HECA: variants seen among roughly 807,000 people sequenced by gnomAD.
HECA encodes headcase protein homolog.
In HECA, 13 loss-of-function variants were observed where a neutral mutation model predicts 37.6. The ratio of observed to expected loss-of-function variants is 0.35; its 90% CI spans 0.23 to 0.55. HECA has a LOEUF of 0.55. Ranked by LOEUF, HECA falls within the 20% of genes least tolerant of loss-of-function variation. The pLI is 0.90. For synonymous variants in HECA, 307 were observed against 291.5 expected (o/e 1.05, Z -0.54); for missense variants, 527 against 701.9 (o/e 0.75, Z 2.82).
intron 1 of HECA, 36 bp downstream of exon 1, chr6:139,135,703 T>G (rs1774425546): frequency 1.0e-6 from 1 of 955,114 alleles, no homozygotes; most frequent in African/African-American, 1.8e-5. Context: ...GCCAACTTCC[T>G]CCCCGACGGG....
At chr6:139,164,621 G>T (rs1774855981) in intron 1 of HECA, among the ~76,000 whole-genome samples, 2 of 152,190 alleles carry the variant, frequency 1.3e-5, no homozygotes, top group South Asian at 4.1e-4. Flanking sequence ...GGAGGCAAAA[G>T]AACTGCATGG....
In HECA at chr6:139,180,491, T is replaced by C. The variant is rs1421635119; in HGVS notation, c.*3386T>C. On this transcript the variant is annotated 3_prime_UTR_variant, in exon 4 of 4. Coordinates refer to ENST00000367658, the MANE Select transcript of HECA (RefSeq NM_016217.3). ...GAAGTGAGGAGAAAGTGTTCTTGTT[T>C]AGTGTTTTATTTCCTATAATAGGAT... is the stretch of plus-strand genomic sequence containing the variant. The C allele has an allele frequency of 6.5e-6, 1 of 152,680 alleles. No homozygotes were observed. Among genetic ancestry groups the C allele is most frequent in the Non-Finnish European group, 1.5e-5 (1 of 68,058 alleles). 9.5% of individuals were successfully genotyped at this position (152,680 alleles called of 1,614,324 possible). A position where few individuals can be genotyped will look rare whatever the true frequency, so the allele number is the denominator to read the frequency against.
At chr6:139,143,297 T>A (rs1774537961) in intron 1 of HECA, among the ~76,000 whole-genome samples, 1 of 152,152 alleles carries the variant, frequency 6.6e-6, no homozygotes, top group South Asian at 2.1e-4. Context: ...AACAACAGCT[T>A]TGTAAATTTT....
At chr6:139,164,407 A>G (rs1417125361) in intron 1 of HECA, among the ~76,000 whole-genome samples, 2 of 152,116 alleles carry the variant, frequency 1.3e-5, no homozygotes, top group Non-Finnish European at 2.9e-5. Flanking sequence ...TGGGTGGGCT[A>G]CAGATACTGA....
intron 1 of HECA, among the ~76,000 whole-genome samples, chr6:139,163,097 C>G (rs1211529964): frequency 6.6e-6 from 1 of 152,216 alleles, no homozygotes; most frequent in Non-Finnish European, 1.5e-5. Flanking sequence ...CTCATTTTGG[C>G]TGGGACTTTT....
chr6:139,178,182 A>G lies in HECA; in HGVS notation c.*1077A>G, dbSNP rs1403552908. On this transcript the variant is annotated 3_prime_UTR_variant, in exon 4 of 4. Transcript: ENST00000367658. The stretch of plus-strand genomic sequence containing the variant: ...AAAATCAATGATTTTAATGCATAGC[A>G]GTATGTTTGAAAAATAGACCATTCT... 1 of 152,236 alleles carries G rather than the reference A, an allele frequency of 6.6e-6. No individual in the cohort carries two copies. The highest frequency in any genetic ancestry group is 1.5e-5 in the Non-Finnish European group (1 of 68,038). The allele number at this position is 152,236 out of a possible 1,614,324, so 9.4% of individuals were successfully genotyped here.
chr6:139,140,966 A>G (rs1419405651), intron 1 of HECA, among the ~76,000 whole-genome samples: 1 of 152,000 alleles, frequency 6.6e-6, no homozygotes, highest in Non-Finnish European at 1.5e-5. Flanking sequence ...AATTTTTTGT[A>G]TTTTTAGTAG....
intron 1 of HECA, among the ~76,000 whole-genome samples, chr6:139,144,045 C>T (rs982203744): frequency 6.6e-6 from 1 of 152,004 alleles, no homozygotes; most frequent in Non-Finnish European, 1.5e-5. Context: ...GTGAGGAGCC[C>T]AGGATGTACT....
intron 1 of HECA, among the ~76,000 whole-genome samples, chr6:139,164,415 T>C (rs969906679): frequency 2.6e-5 from 4 of 152,114 alleles, no homozygotes; most frequent in Admixed American, 2.0e-4. Context: ...CTACAGATAC[T>C]GAGTGCTCAG....
Position 139,167,165 on chromosome 6 carries a change from C to T in HECA, c.1153C>T (p.Leu385=), listed in dbSNP as rs373649622. The T allele has an allele frequency of 6.3e-5, 102 of 1,614,086 alleles. No individual in the cohort carries two copies. The highest frequency in any genetic ancestry group is 8.0e-5 in the Non-Finnish European group (94 of 1,180,048). The change falls in exon 2 of 4, where the codon CTG becomes TTG. Residue 385 remains leucine, a synonymous_variant. Transcript: ENST00000367658. ...GGGGGAAGACTTGCGGAAGTTCATTCTGGCCGCGCTCAGTGCCAGCCACAG... is the reference window on the plus strand; with the variant it reads ...GGGGGAAGACTTGCGGAAGTTCATTTTGGCCGCGCTCAGTGCCAGCCACAG... ...GQGEDLRKFI[L]AALSASHRNV...
At chr6:139,165,285 A>C (rs1582945367) in intron 1 of HECA, among the ~76,000 whole-genome samples, 1 of 152,240 alleles carries the variant, frequency 6.6e-6, no homozygotes, top group South Asian at 2.1e-4. Context: ...GAGCAGATTT[A>C]AGTTCACAGA....
chr6:139,135,319 C>G lies in HECA; in HGVS notation c.-78C>G, dbSNP rs1582931461. 9 of 1,128,312 alleles carry G rather than the reference C, an allele frequency of 8.0e-6. No individual in the cohort carries two copies. The highest frequency in any genetic ancestry group is 5.8e-5 in the East Asian group (1 of 17,162). 69.9% of individuals were successfully genotyped at this position (1,128,312 alleles called of 1,614,324 possible). A position where few individuals can be genotyped will look rare whatever the true frequency, so the allele number is the denominator to read the frequency against. ...CCGTTCTTTCCCGGAGCCGGCTTCA[C>G]GCAGGGCCGGGAACGGCCGTGCCTC... On this transcript the variant is annotated 5_prime_UTR_variant, in exon 1 of 4. Transcript: ENST00000367658.
Position 139,167,133 on chromosome 6 carries a change from T to C in HECA, c.1121T>C (p.Val374Ala). Reference protein sequence around the residue: ...FHVRMEDDAQVGQGEDLRKFI... With the variant: ...FHVRMEDDAQAGQGEDLRKFI... ...GTGCGCATGGAAGACGATGCCCAAG[T>C]GGGCCAGGGGGAAGACTTGCGGAAG... Residue 374 changes from valine (V) to alanine (A), a missense_variant, in exon 2 of 4, where the codon GTG becomes GCG. Transcript: ENST00000367658. The C allele has an allele frequency of 6.2e-7, 1 of 1,614,164 alleles. No homozygotes were observed. The highest frequency in any genetic ancestry group is 8.5e-7 in the Non-Finnish European group (1 of 1,180,026).
intron 1 of HECA, among the ~76,000 whole-genome samples, chr6:139,165,523 T>G (rs1455468368): frequency 2.0e-5 from 3 of 152,100 alleles, no homozygotes; most frequent in African/African-American, 7.2e-5. Context: ...CGGGAATAGA[T>G]TCACTTCCCT....
At chr6:139,164,992 G>C (rs1718570126) in intron 1 of HECA, among the ~76,000 whole-genome samples, 1 of 152,120 alleles carries the variant, frequency 6.6e-6, no homozygotes, top group South Asian at 2.1e-4. Context: ...AATATCCCAA[G>C]CTGTGTCACA....
chr6:139,163,613 G>A (rs1198631994), intron 1 of HECA, among the ~76,000 whole-genome samples: 2 of 152,056 alleles, frequency 1.3e-5, no homozygotes, highest in African/African-American at 4.8e-5. Flanking sequence ...CACGGCCTTC[G>A]AAAGTGCTGG....
intron 1 of HECA, among the ~76,000 whole-genome samples, chr6:139,149,263 T>C (rs1444841419): frequency 6.6e-6 from 1 of 152,074 alleles, no homozygotes; most frequent in Non-Finnish European, 1.5e-5. Flanking sequence ...TTCTAAACAG[T>C]GTGAGATTTG....
At position 139,135,602 on chromosome 6, in the gene HECA, C is replaced by T. The variant is rs1774422894; in HGVS notation, c.206C>T (p.Ala69Val). Residue 69 changes from alanine to valine, a missense_variant, in exon 1 of 4, where the codon GCG becomes GTG. Transcript: ENST00000367658. ...GGAGGCGCGGCGGGCGCCGGAGGCGCGGGGACTGGCGCCGCGAACGCTGCG... is the reference window on the plus strand; with the variant it reads ...GGAGGCGCGGCGGGCGCCGGAGGCGTGGGGACTGGCGCCGCGAACGCTGCG... ...GAGGAAGAGG[A>V]GTGAANAAAA... The T allele has an allele frequency of 2.4e-5, 23 of 952,518 alleles. No individual in the cohort carries two copies. Among genetic ancestry groups the T allele is most frequent in the Non-Finnish European group, 2.9e-5 (23 of 806,878 alleles). The allele number at this position is 952,518 out of a possible 1,614,324, so 59.0% of individuals were successfully genotyped here.
chr6:139,145,578 C>T (rs1300807410), intron 1 of HECA, among the ~76,000 whole-genome samples: 2 of 152,172 alleles, frequency 1.3e-5, no homozygotes, highest in African/African-American at 2.4e-5. Flanking sequence ...GGAGGAAAAA[C>T]TTTCTCTACT....
Sources: gnomAD v4.1 joint callset for allele counts (sites outside exome capture counted in the v4.1 genomes callset) on GRCh38, gnomAD v4.1.1 for gene constraint, MANE v1.5 for transcripts, NCBI Gene and HGNC (gene_info 2026-07-23, HGNC 2026-07-21) for gene names.